PBX2: variants seen among roughly 807,000 people sequenced by gnomAD.
The protein encoded by PBX2 is pre-B-cell leukemia transcription factor 2.
In PBX2, 10 loss-of-function variants were observed where a neutral mutation model predicts 46.5. The ratio of observed to expected loss-of-function variants is 0.21; its 90% CI spans 0.13 to 0.36. PBX2 has a LOEUF of 0.36. Among genes scored for constraint, PBX2 ranks in the 10% least tolerant of loss-of-function variants. PBX2 has a pLI of 1.00. For synonymous variants in PBX2, 160 were observed against 222.5 expected, an observed-to-expected ratio of 0.72 and a Z score of 2.50; for missense variants, 392 against 580.5, an observed-to-expected ratio of 0.68 and a Z score of 3.34.
At position 32,187,265 on chromosome 6, in the gene PBX2, G is replaced by T. The variant is rs752205434; in HGVS notation, c.1001C>A (p.Ser334Tyr). 1.2e-6 allele frequency: 2 copies of T among 1,613,054 alleles called. No individual in the cohort carries two copies. Among genetic ancestry groups the T allele is most frequent in the Non-Finnish European group, 1.7e-6 (2 of 1,180,046 alleles). Residue 334 changes from serine (S) to tyrosine (Y), a missense_variant, in exon 6 of 9, where the codon TCC becomes TAC. Ser to Tyr is a moderately radical substitution (Grantham distance 144, BLOSUM62 -2). Transcript: ENST00000375050. The surrounding 1 kb of genome is among the most constrained non-coding windows in gnomAD (Gnocchi z 7.7). ...VTQGGHSRTSSPTPPSSAGSG... is the reference protein window; with the variant it reads ...VTQGGHSRTSYPTPPSSAGSG... The stretch of plus-strand genomic sequence containing the variant: ...ACCTGCAGAGGAAGGGGGTGTCGGG[G>T]AGCTGGTGCGGCTGTGGCCCCCCTG...
rs1487146898 is a variant in PBX2, at chr6:32,185,576, A to G, written c.*806T>C. On this transcript the variant is annotated 3_prime_UTR_variant, in exon 9 of 9. Transcript: ENST00000375050. ...TCAACATATTTATAAAAAAAAAAAC[A>G]AGCTACTTCCCCAAACTAAATTAAA... 6.6e-6 allele frequency: 1 copy of G among 151,152 alleles called. No homozygotes were observed. The highest frequency in any genetic ancestry group is 1.5e-5 in the Non-Finnish European group (1 of 67,774). The allele number at this position is 151,152 out of a possible 1,614,324, so 9.4% of individuals were successfully genotyped here. A position where few individuals can be genotyped will look rare whatever the true frequency, so the allele number is the denominator to read the frequency against.
chr6:32,186,459 G>C lies in PBX2; in HGVS notation c.1216C>G (p.Gln406Glu). 1 of 1,613,196 alleles carries C rather than the reference G, an allele frequency of 6.2e-7. No homozygotes were observed. The highest frequency in any genetic ancestry group is 8.5e-7 in the Non-Finnish European group (1 of 1,179,588). Reference protein sequence around the residue: ...PREMRANGSWQEAVTPSSVTS... With the variant: ...PREMRANGSWEEAVTPSSVTS... Reference sequence around the variant, plus strand: ...ACTGAAGAGGGGGTCACAGCCTCTTGCCAGCTGCCATTTGCCTGAAAGGAG... The same window carrying C: ...ACTGAAGAGGGGGTCACAGCCTCTTCCCAGCTGCCATTTGCCTGAAAGGAG... The change falls in exon 9 of 9, where the codon CAA becomes GAA. Residue 406 changes from glutamine (Q) to glutamate (E), a missense_variant. Gln to Glu is a conservative substitution (Grantham distance 29). Coordinates refer to ENST00000375050, the MANE Select transcript of PBX2 (RefSeq NM_002586.5). This position sits in a 1 kb window ranked among gnomAD's most constrained non-coding sequence, Gnocchi z 4.2.
In PBX2 at chr6:32,186,838, T is replaced by C. The variant is rs765862677; in HGVS notation, c.1088A>G (p.Asn363Ser). ...GDMFLGMPGL[N>S]GDSYSASQVE... ...CTGGGAAGCAGAATAGGAATCTCCG[T>C]TGAGCCCAGGCATCCCCAGAAACAT... Residue 363 changes from asparagine (N) to serine (S), a missense_variant, in exon 7 of 9, where the codon AAC (asparagine) becomes AGC (serine). Asn to Ser is a conservative substitution (Grantham distance 46). This residue lies in a region of PBX2 where 116 missense variants were observed against 157.9 expected (regional missense o/e 0.73). Coordinates refer to ENST00000375050, the MANE Select transcript of PBX2 (RefSeq NM_002586.5). The surrounding 1 kb of genome is among the most constrained non-coding windows in gnomAD (Gnocchi z 4.2). 4.3e-6 allele frequency: 7 copies of C among 1,614,148 alleles called. No individual in the cohort carries two copies. Among genetic ancestry groups the C allele is most frequent in the Admixed American group, 1.7e-5 (1 of 60,016 alleles).
rs767904751 is a variant in PBX2 at position 32,186,925 on chromosome 6, G to C, written c.1025-24C>G. 1.9e-6 allele frequency: 3 copies of C among 1,593,244 alleles called. No individual in the cohort carries two copies. Among genetic ancestry groups the C allele is most frequent in the Admixed American group, 3.3e-5 (2 of 59,958 alleles). ...GCCTTGTGGGGGCAGAGAGGGAAGAGTGTAATAGAGCCCGTGATGGTAGAG... is the reference window on the plus strand; with the variant it reads ...GCCTTGTGGGGGCAGAGAGGGAAGACTGTAATAGAGCCCGTGATGGTAGAG... On this transcript the variant is annotated intron_variant, in intron 6 of 8. Coordinates refer to ENST00000375050, the MANE Select transcript of PBX2 (RefSeq NM_002586.5). This position sits in a 1 kb window ranked among gnomAD's most constrained non-coding sequence, Gnocchi z 4.2.
At position 32,187,103 on chromosome 6, in the gene PBX2, C is replaced by A; in HGVS notation, c.1024+139G>T. The A allele has an allele frequency of 8.4e-7, 1 of 1,185,382 alleles. No homozygotes were observed. Among genetic ancestry groups the A allele is most frequent in the African/African-American group, 1.5e-5 (1 of 65,700 alleles). 73.4% of individuals were successfully genotyped at this position (1,185,382 alleles called of 1,614,324 possible). On this transcript the variant is annotated intron_variant, in intron 6 of 8. Transcript: ENST00000375050. This position sits in a 1 kb window ranked among gnomAD's most constrained non-coding sequence, Gnocchi z 7.7. Reference sequence around the variant, plus strand: ...AGATCACTGGAATGGCCTCTGTCCCCTGACATCTCCAGCCTATCTCAGCTC... The same window carrying A: ...AGATCACTGGAATGGCCTCTGTCCCATGACATCTCCAGCCTATCTCAGCTC...
In PBX2 at chr6:32,187,932, G is replaced by A. The variant is rs761900328; in HGVS notation, c.734+34C>T. 6.6e-7 allele frequency: 1 copy of A among 1,524,132 alleles called. No individual in the cohort carries two copies. The highest frequency in any genetic ancestry group is 2.0e-5 in the Admixed American group (1 of 49,028). 94.4% of individuals were successfully genotyped at this position (1,524,132 alleles called of 1,614,324 possible). A position where few individuals can be genotyped will look rare whatever the true frequency, so the allele number is the denominator to read the frequency against. ...TTGGAGAGGAATGGGAAGGAGCCCA[G>A]TGCTGGGGGCCAGCCTGGGGTCCCT... On this transcript the variant is annotated intron_variant, in intron 4 of 8. Coordinates refer to ENST00000375050, the MANE Select transcript of PBX2 (RefSeq NM_002586.5). This position sits in a 1 kb window ranked among gnomAD's most constrained non-coding sequence, Gnocchi z 7.7.
At position 32,185,858 on chromosome 6, in the gene PBX2, C is replaced by A. The variant is rs931320113; in HGVS notation, c.*524G>T. The A allele has an allele frequency of 1.4e-5, 2 of 147,396 alleles. No individual in the cohort carries two copies. The highest frequency in any genetic ancestry group is 5.1e-5 in the African/African-American group (2 of 38,932). The allele number at this position is 147,396 out of a possible 1,614,324, so 9.1% of individuals were successfully genotyped here. A position where few individuals can be genotyped will look rare whatever the true frequency, so the allele number is the denominator to read the frequency against. On this transcript the variant is annotated 3_prime_UTR_variant, in exon 9 of 9. Transcript: ENST00000375050. The stretch of plus-strand genomic sequence containing the variant: ...GAGGTAAGTAAGCCGTCCGGAGGGG[C>A]GGGGGTGGGGATGCATGGGGGCGTG...
In PBX2 at chr6:32,189,936, G is replaced by GC. The variant is rs1309678100; in HGVS notation, c.-22dup. ...TCCATAGCTGGGGGGGGGCCCTGAG[G>GC]CCCCCTCCCTGCTCCGCCCCTCCCC... On this transcript the variant is annotated 5_prime_UTR_variant, in exon 1 of 9. Coordinates refer to ENST00000375050, the MANE Select transcript of PBX2 (RefSeq NM_002586.5). This position sits in a 1 kb window ranked among gnomAD's most constrained non-coding sequence, Gnocchi z 4.7. 9.2e-7 allele frequency: 1 copy of GC among 1,089,952 alleles called. No homozygotes were observed. Among genetic ancestry groups the GC allele is most frequent in the Non-Finnish European group, 1.3e-6 (1 of 799,300 alleles). The allele number at this position is 1,089,952 out of a possible 1,614,324, so 67.5% of individuals were successfully genotyped here. A position where few individuals can be genotyped will look rare whatever the true frequency, so the allele number is the denominator to read the frequency against.
rs373203396 is a variant in PBX2, at chr6:32,187,832, G to A, written c.735-50C>T. On this transcript the variant is annotated intron_variant, in intron 4 of 8. Transcript: ENST00000375050. This position sits in a 1 kb window ranked among gnomAD's most constrained non-coding sequence, Gnocchi z 7.7. ...GAGGAGGATGTTGATGTCCTGGCAGGGCTGTCACATGGCATGACCCCAGAG... is the reference window on the plus strand; with the variant it reads ...GAGGAGGATGTTGATGTCCTGGCAGAGCTGTCACATGGCATGACCCCAGAG... 70 of 1,602,166 alleles carry A rather than the reference G, an allele frequency of 4.4e-5. No homozygotes were observed. In the African/African-American group the frequency reaches 7.3e-4, roughly 17 times the overall value.
Position 32,187,471 on chromosome 6 carries a change from C to CT in PBX2, c.871-77_871-76insA. ...TCACTGAATAAGATGTGAGTGACAG[C>CT]ATTTTTTTTTTTTTTGCTTCCTGGT... On this transcript the variant is annotated intron_variant, in intron 5 of 8. Coordinates refer to ENST00000375050, the MANE Select transcript of PBX2 (RefSeq NM_002586.5). This position sits in a 1 kb window ranked among gnomAD's most constrained non-coding sequence, Gnocchi z 7.7. The CT allele has an allele frequency of 6.9e-7, 1 of 1,443,274 alleles. No individual in the cohort carries two copies. The highest frequency in any genetic ancestry group is 2.0e-5 in the Admixed American group (1 of 51,268). 89.4% of individuals were successfully genotyped at this position (1,443,274 alleles called of 1,614,324 possible).
chr6:32,188,493 G>C lies in PBX2; in HGVS notation c.307C>G (p.Arg103Gly), dbSNP rs763122082. The change falls in exon 3 of 9, where the codon CGG becomes GGG. Residue 103 changes from arginine (R) to glycine (G), a missense_variant. Arg to Gly is a moderately radical substitution (Grantham distance 125). Coordinates refer to ENST00000375050, the MANE Select transcript of PBX2 (RefSeq NM_002586.5). The surrounding 1 kb of genome is among the most constrained non-coding windows in gnomAD (Gnocchi z 6.5). ...EIKEKTGLSI[R>G]SSQEEEPVDP... ...ACCGGCTCCTCCTCCTGGGAGCTCC[G>C]AATGCTGAGGCCTAGCATGCAGGCG... 2 of 1,613,638 alleles carry C rather than the reference G, an allele frequency of 1.2e-6. No individual in the cohort carries two copies. Among genetic ancestry groups the C allele is most frequent in the Non-Finnish European group, 1.7e-6 (2 of 1,179,930 alleles).
Position 32,187,458 on chromosome 6 carries a change from A to T in PBX2, c.871-63T>A. The T allele has an allele frequency of 6.5e-7, 1 of 1,549,260 alleles. No individual in the cohort carries two copies. ...CCTCTGAAGTCCTTCACTGAATAAG[A>T]TGTGAGTGACAGCATTTTTTTTTTT... is the stretch of plus-strand genomic sequence containing the variant. On this transcript the variant is annotated intron_variant, in intron 5 of 8. Transcript: ENST00000375050. The surrounding 1 kb of genome is among the most constrained non-coding windows in gnomAD (Gnocchi z 7.7).
chr6:32,188,695 T>G lies in PBX2; in HGVS notation c.295+28A>C, dbSNP rs1465076413. The G allele has an allele frequency of 8.7e-6, 14 of 1,608,908 alleles. No individual in the cohort carries two copies. The highest frequency in any genetic ancestry group is 1.2e-5 in the Non-Finnish European group (14 of 1,176,452). ...AATGAACAGGGTTCTGTTCCCAGAGTTGAGCAATCCGGGGGGGGCCCACAT... is the reference window on the plus strand; with the variant it reads ...AATGAACAGGGTTCTGTTCCCAGAGGTGAGCAATCCGGGGGGGGCCCACAT... On this transcript the variant is annotated intron_variant, in intron 2 of 8. Transcript: ENST00000375050. The surrounding 1 kb of genome is among the most constrained non-coding windows in gnomAD (Gnocchi z 6.5).
rs1460277017 is a variant in PBX2, at chr6:32,185,496, G to A, written c.*886C>T. 1 of 149,848 alleles carries A rather than the reference G, an allele frequency of 6.7e-6. No homozygotes were observed. Among genetic ancestry groups the A allele is most frequent in the African/African-American group, 2.5e-5 (1 of 40,516 alleles). 9.3% of individuals were successfully genotyped at this position (149,848 alleles called of 1,614,324 possible). On this transcript the variant is annotated 3_prime_UTR_variant, in exon 9 of 9. Transcript: ENST00000375050. ...CCCTTTCTCTTACCAGAACCCCTTT[G>A]GCTATCACCCCTAATATGGGAAAGT...
In PBX2 at chr6:32,186,486, GACAGAGTACAGAAA is replaced by G. The variant is rs779770293; in HGVS notation, c.1201-26_1201-13del. The G allele has an allele frequency of 8.7e-6, 14 of 1,611,876 alleles. No individual in the cohort carries two copies. The African/African-American group carries it at 1.5e-4, about 17-fold the overall frequency. On this transcript the variant is annotated splice_polypyrimidine_tract_variant and intron_variant, in intron 8 of 8. Transcript: ENST00000375050. This position sits in a 1 kb window ranked among gnomAD's most constrained non-coding sequence, Gnocchi z 4.2. ...CAGCTGCCATTTGCCTGAAAGGAGA[GACAGAGTACAGAAA>G]ACAGAGAAAGCCCTGGGAACCCTGT...
Position 32,188,346 on chromosome 6 carries a change from G to A in PBX2, c.454C>T (p.Pro152Ser). 10 of 1,614,146 alleles carry A rather than the reference G, an allele frequency of 6.2e-6. No homozygotes were observed. Among genetic ancestry groups the A allele is most frequent in the Non-Finnish European group, 7.6e-6 (9 of 1,180,020 alleles). Reference protein sequence around the residue: ...AAAASGGGVSPDNSIEHSDYR... With the variant: ...AAAASGGGVSSDNSIEHSDYR... ...TCCGAGTGTTCGATGGAGTTGTCAG[G>A]GGACACACCACCACCAGAGGCTGCA... is the stretch of plus-strand genomic sequence containing the variant. Residue 152 changes from proline (P) to serine (S), a missense_variant, in exon 3 of 9, where the codon CCT becomes TCT. By Grantham distance (74) the Pro-to-Ser change is moderately conservative. This residue lies in a region of PBX2 where 196 missense variants were observed against 246.9 expected (regional missense o/e 0.79). Coordinates refer to ENST00000375050, the MANE Select transcript of PBX2 (RefSeq NM_002586.5). The surrounding 1 kb of genome is among the most constrained non-coding windows in gnomAD (Gnocchi z 6.5).
chr6:32,189,766 C>T lies in PBX2; in HGVS notation c.150G>A (p.Lys50=), dbSNP rs1417383266. 6.2e-7 allele frequency: 1 copy of T among 1,606,018 alleles called. No individual in the cohort carries two copies. Residue 50 remains lysine (K), a synonymous_variant, in exon 1 of 9, where the codon AAG becomes AAA. Transcript: ENST00000375050. This position sits in a 1 kb window ranked among gnomAD's most constrained non-coding sequence, Gnocchi z 4.7. The stretch of plus-strand genomic sequence containing the variant: ...GCTGCAGAATGTCCCCGATGTCTTG[C>T]TTCCCTCGGCCTCCCGGGACCCCCC... ...GSGGVPGGRG[K]QDIGDILQQI... is the part of the protein sequence containing the mutation.
chr6:32,186,781 A>G lies in PBX2; in HGVS notation c.1113+32T>C, dbSNP rs1787162111. ...AAAGTAGAGGAAATGGAGTTGGGGA[A>G]AGCCCTATTCGAGAGGAGATGGGCA... On this transcript the variant is annotated intron_variant, in intron 7 of 8. Transcript: ENST00000375050. This position sits in a 1 kb window ranked among gnomAD's most constrained non-coding sequence, Gnocchi z 4.2. 6.2e-7 allele frequency: 1 copy of G among 1,606,140 alleles called. No individual in the cohort carries two copies. The highest frequency in any genetic ancestry group is 8.5e-7 in the Non-Finnish European group (1 of 1,172,756).
Position 32,187,710 on chromosome 6 carries a change from G to A in PBX2, c.807C>T (p.Asn269=), listed in dbSNP as rs201011976. Residue 269 remains asparagine (N), a synonymous_variant, in exon 5 of 9, where the codon AAC becomes AAT. Coordinates refer to ENST00000375050, the MANE Select transcript of PBX2 (RefSeq NM_002586.5). The surrounding 1 kb of genome is among the most constrained non-coding windows in gnomAD (Gnocchi z 7.7). ...LNEYFYSHLS[N]PYPSEEAKEE... is the part of the protein sequence containing the mutation. ...CCTTGGCCTCCTCACTAGGATATGGGTTACTCAGGTGGGAGTAGAAATACT... is the reference window on the plus strand; with the variant it reads ...CCTTGGCCTCCTCACTAGGATATGGATTACTCAGGTGGGAGTAGAAATACT... The A allele has an allele frequency of 1.4e-5, 23 of 1,610,212 alleles. No individual in the cohort carries two copies. Among genetic ancestry groups the A allele is most frequent in the Non-Finnish European group, 1.5e-5 (18 of 1,178,762 alleles).
Sources: gnomAD v4.1 joint callset for allele counts on GRCh38, gnomAD v4.1.1 for gene constraint, gnomAD v4.1.1 regional missense constraint, Gnocchi (gnomAD v3.1) non-coding constraint, MANE v1.5 for transcripts, NCBI Gene and HGNC (gene_info 2026-07-23, HGNC 2026-07-21) for gene names.